The following DNAH11 variants were observed in gnomAD, a reference collection of about 807,000 sequenced individuals.
DNAH11 encodes the protein dynein axonemal heavy chain 11.
DNAH11 carries 442 observed loss-of-function variants against 526.0 expected under a neutral mutation model. That is an observed-to-expected ratio of 0.84 (90% CI 0.78 to 0.91). DNAH11 has a LOEUF of 0.91. DNAH11 is among the 40% of genes least tolerant of loss of function. The pLI, the probability that DNAH11 is intolerant of heterozygous loss-of-function variation, is 0.00. For missense variants in DNAH11, 6,989 were observed against 5,448.7 expected (o/e 1.28, Z -8.90); for synonymous variants, 2,461 against 1,935.9 (o/e 1.27, Z -7.12).
At chr7:21,899,130 G>A (rs1784640249) in intron 79 of DNAH11, among the ~76,000 whole-genome samples, 2 of 152,130 alleles carry the variant, frequency 1.3e-5, no homozygotes, top group African/African-American at 2.4e-5. Context: ...TAATGTAAAC[G>A]CTACAGTCAT....
At chr7:21,872,858 G>A (rs11761264) in intron 73 of DNAH11, among the ~76,000 whole-genome samples, 47,969 of 152,092 alleles carry the variant, frequency 0.32, 9,333 homozygotes, top group Non-Finnish European at 0.43. Flanking sequence ...CCAATGAAGA[G>A]GGTGTCAGGC....
intron 63 of DNAH11, among the ~76,000 whole-genome samples, chr7:21,813,855 C>T (rs779276458): frequency 1.4e-4 from 22 of 152,118 alleles, no homozygotes; most frequent in Non-Finnish European, 2.9e-4. Flanking sequence ...GTTTCCAAAC[C>T]CATTTTCCTT....
Position 21,801,229 on chromosome 7 carries a change from C to G in DNAH11, c.10119C>G (p.Asn3373Lys). 1 of 1,613,904 alleles carries G rather than the reference C, an allele frequency of 6.2e-7. No homozygotes were observed. The highest frequency in any genetic ancestry group is 1.1e-5 in the South Asian group (1 of 91,038). Reference sequence around the variant, plus strand: ...GTCAAGAAGAGGTGAACCAAACCAACAAAACCATCAAATTAGCTAACAGAC... The same window carrying G: ...GTCAAGAAGAGGTGAACCAAACCAAGAAAACCATCAAATTAGCTAACAGAC... ...VRCQEEVNQTNKTIKLANRLV... is the reference protein window; with the variant it reads ...VRCQEEVNQTKKTIKLANRLV... The change falls in exon 62 of 82, where the codon AAC becomes AAG. Residue 3373 changes from asparagine (N) to lysine (K), a missense_variant. By Grantham distance (94) the Asn-to-Lys change is moderately conservative. Transcript: ENST00000409508.
intron 57 of DNAH11, 25 bp downstream of exon 57, chr7:21,779,129 G>C: frequency 6.2e-7 from 1 of 1,601,656 alleles, no homozygotes; most frequent in Non-Finnish European, 8.5e-7. Flanking sequence ...AACATTTAGA[G>C]TGCGGAGCTA....
chr7:21,767,505 C>T (rs1033486068), intron 55 of DNAH11, among the ~76,000 whole-genome samples: 3 of 152,190 alleles, frequency 2.0e-5, no homozygotes, highest in African/African-American at 7.2e-5. Context: ...GTCCAGAGGG[C>T]TCCTGTCAGG....
At chr7:21,749,655 T>C (rs1786313987) in intron 52 of DNAH11, 23 bp from the exon 53 acceptor site, 3 of 1,613,066 alleles carry the variant, frequency 1.9e-6, no homozygotes, top group South Asian at 2.2e-5. Flanking sequence ...TAACAAAACA[T>C]GAGTGATGGC....
chr7:21,901,400 C>T lies in DNAH11; in HGVS notation c.*146C>T. On this transcript the variant is annotated 3_prime_UTR_variant, in exon 82 of 82. Transcript: ENST00000409508. ...TCAACGCTATCCTTAGAGTGAAAGT[C>T]AGAAAAAAATACTAGAAACTAACTC... 1 of 1,176,226 alleles carries T rather than the reference C, an allele frequency of 8.5e-7. No homozygotes were observed. The highest frequency in any genetic ancestry group is 1.1e-6 in the Non-Finnish European group (1 of 905,996). The allele number at this position is 1,176,226 out of a possible 1,614,324, so 72.9% of individuals were successfully genotyped here.
intron 30 of DNAH11, among the ~76,000 whole-genome samples, chr7:21,669,171 A>G (rs1448385444): frequency 6.6e-6 from 1 of 152,048 alleles, no homozygotes; most frequent in Non-Finnish European, 1.5e-5. Flanking sequence ...ATTTTCAAAC[A>G]GTTGGGTGAT....
chr7:21,762,906 G>C (rs984740852), intron 54 of DNAH11, among the ~76,000 whole-genome samples: 1 of 152,124 alleles, frequency 6.6e-6, no homozygotes, highest in Non-Finnish European at 1.5e-5. Context: ...TACAGCAAAG[G>C]AAAGGATCAA....
chr7:21,901,460 A>G lies in DNAH11; in HGVS notation c.*206A>G, dbSNP rs559207291. ...CGTGGTGGCACACGACTGTAATCCC[A>G]GTTACTCAGGAGGTAGGAGAATCAC... On this transcript the variant is annotated 3_prime_UTR_variant, in exon 82 of 82. Transcript: ENST00000409508. The G allele has an allele frequency of 3.8e-5, 23 of 598,298 alleles. No individual in the cohort carries two copies. The highest frequency in any genetic ancestry group is 1.3e-4 in the Admixed American group (3 of 23,610). 37.1% of individuals were successfully genotyped at this position (598,298 alleles called of 1,614,324 possible). A position where few individuals can be genotyped will look rare whatever the true frequency, so the allele number is the denominator to read the frequency against.
intron 30 of DNAH11, among the ~76,000 whole-genome samples, chr7:21,672,133 A>G (rs1782664312): frequency 6.6e-6 from 1 of 152,170 alleles, no homozygotes; most frequent in Admixed American, 6.5e-5. Context: ...GGGTTTCAAG[A>G]TGAGAGGTCC....
intron 55 of DNAH11, among the ~76,000 whole-genome samples, chr7:21,771,492 G>C (rs1001264532): frequency 6.6e-6 from 1 of 152,200 alleles, no homozygotes; most frequent in African/African-American, 2.4e-5. Flanking sequence ...TGTGTTGACA[G>C]TGAGCCAACT....
intron 40 of DNAH11, 84 bp from the exon 41 acceptor site, chr7:21,710,469 T>C: frequency 7.6e-7 from 1 of 1,316,650 alleles, no homozygotes; most frequent in Non-Finnish European, 1.0e-6. Context: ...AAATCGTTTT[T>C]ATTTAGTTAA....
At chr7:21,637,395 T>C (rs1786916048) in intron 26 of DNAH11, among the ~76,000 whole-genome samples, 1 of 152,200 alleles carries the variant, frequency 6.6e-6, no homozygotes. Flanking sequence ...CTTATCACAT[T>C]TATTTTTATA....
chr7:21,550,671 C>G (rs1003006931), intron 2 of DNAH11, among the ~76,000 whole-genome samples: 1 of 152,246 alleles, frequency 6.6e-6, no homozygotes, highest in South Asian at 2.1e-4. Context: ...TAATTTGAAA[C>G]CTTCCATAAT....
intron 25 of DNAH11, among the ~76,000 whole-genome samples, chr7:21,630,148 A>G (rs964999222): frequency 4.6e-5 from 7 of 152,222 alleles, no homozygotes; most frequent in Admixed American, 1.3e-4. Context: ...AGAGATGACA[A>G]CTTATATTAG....
rs1291788294 is a variant in DNAH11 at position 21,876,458 on chromosome 7, G to C, written c.12195+2957G>C. Reference sequence around the variant, plus strand: ...TCAAGGGATTTAGCCTGTGCTCCCTGGCTCTCTGTGAATATGTTCCCATTG... The same window carrying C: ...TCAAGGGATTTAGCCTGTGCTCCCTCGCTCTCTGTGAATATGTTCCCATTG... On this transcript the variant is annotated intron_variant, in intron 74 of 81. Transcript: ENST00000409508. Among the ~76,000 whole-genome samples the C allele has an allele frequency of 3.9e-5, 6 of 152,196 alleles. No homozygotes were observed. The East Asian group carries it at 9.6e-4, about 24-fold the overall frequency.
At chr7:21,796,523 T>A (rs1013173522) in intron 61 of DNAH11, among the ~76,000 whole-genome samples, 3 of 152,086 alleles carry the variant, frequency 2.0e-5, no homozygotes, top group African/African-American at 7.2e-5. Flanking sequence ...GGGTACAGAA[T>A]GATGATATCT....
At chr7:21,879,130 C>T (rs1783820380) in intron 74 of DNAH11, among the ~76,000 whole-genome samples, 1 of 152,076 alleles carries the variant, frequency 6.6e-6, no homozygotes, top group Non-Finnish European at 1.5e-5. Context: ...GCCAGGATTC[C>T]ATTTTCCATC....
Sources: gnomAD v4.1 joint callset for allele counts (sites outside exome capture counted in the v4.1 genomes callset) on GRCh38, gnomAD v4.1.1 for gene constraint, MANE v1.5 for transcripts, NCBI Gene and HGNC (gene_info 2026-07-23, HGNC 2026-07-21) for gene names.